Variants in VTCN1 observed in about 807,000 individuals in gnomAD.
VTCN1 encodes the protein V-set domain containing T cell activation inhibitor 1, also known as V-set domain-containing T-cell activation inhibitor 1.
VTCN1 carries 26 observed loss-of-function variants against 26.5 expected under a neutral mutation model. The observed-to-expected ratio is 0.98, with a 90% CI of 0.72 to 1.36. The LOEUF is 1.36. VTCN1 is among the 40% of genes most tolerant of loss of function. The probability of loss-of-function intolerance (pLI) is 0.00; values close to 1 mark genes in which losing one functional copy is unlikely to be tolerated. For missense variants in VTCN1, 298 were observed against 337.7 expected (o/e 0.88, Z 0.92); for synonymous variants, 116 against 130.7 (o/e 0.89, Z 0.77).
intron 1 of VTCN1, among the ~76,000 whole-genome samples, chr1:117,172,975 A>G (rs1278497971): frequency 2.0e-5 from 3 of 152,174 alleles, no homozygotes; most frequent in African/African-American, 7.2e-5. Flanking sequence ...GTCCCCTTCC[A>G]TGCTGTGGAA....
rs1195102914 is a variant in VTCN1, at chr1:117,167,056, G to A, written c.97+3051C>T. 6.8e-6 allele frequency among the ~76,000 whole-genome samples: 1 copy of A among 147,146 alleles called. No individual in the cohort carries two copies. Among genetic ancestry groups the A allele is most frequent in the Admixed American group, 6.8e-5 (1 of 14,670 alleles). ...TGCAGTGAGCCGAGATTATGCCACT[G>A]TACTCCAGCCTGAGCGACAGAGCAA... On this transcript the variant is annotated intron_variant, in intron 2 of 5. Coordinates refer to ENST00000369458, the MANE Select transcript of VTCN1 (RefSeq NM_024626.4). This position sits in a 1 kb window ranked among gnomAD's most constrained non-coding sequence, Gnocchi z 4.1.
At chr1:117,165,888 C>T (rs184991426) in intron 2 of VTCN1, among the ~76,000 whole-genome samples, 3 of 152,248 alleles carry the variant, frequency 2.0e-5, no homozygotes, top group East Asian at 3.9e-4. Flanking sequence ...TGTGATAATA[C>T]GATCTCTGAT....
At position 117,183,024 on chromosome 1, in the gene VTCN1, G is replaced by A. The variant is rs973858087; in HGVS notation, c.33-12853C>T. Among the ~76,000 whole-genome samples, 16 of 152,138 alleles carry A rather than the reference G, an allele frequency of 1.1e-4. No homozygotes were observed. The highest frequency in any genetic ancestry group is 9.2e-4 in the Admixed American group (14 of 15,268). On this transcript the variant is annotated intron_variant, in intron 1 of 5. Transcript: ENST00000369458. The surrounding 1 kb of genome is among the most constrained non-coding windows in gnomAD (Gnocchi z 4.1). ...TCTGATACCATTTTTTAAAGAAAAA[G>A]AATAAGATTAAAATATAAAGTATTG...
rs998177266 is a variant in VTCN1 at position 117,161,120 on chromosome 1, G to A, written c.98-4199C>T. ...TGAAAGAGGACAAAATGAAGTTTTTGCTGTGTAATAAGAACACAACACACC... is the reference window on the plus strand; with the variant it reads ...TGAAAGAGGACAAAATGAAGTTTTTACTGTGTAATAAGAACACAACACACC... On this transcript the variant is annotated intron_variant, in intron 2 of 5. Coordinates refer to ENST00000369458, the MANE Select transcript of VTCN1 (RefSeq NM_024626.4). The surrounding 1 kb of genome is among the most constrained non-coding windows in gnomAD (Gnocchi z 4.3). 6.6e-6 allele frequency among the ~76,000 whole-genome samples: 1 copy of A among 152,172 alleles called. No homozygotes were observed. The highest frequency in any genetic ancestry group is 2.4e-5 in the African/African-American group (1 of 41,448).
chr1:117,151,062 T>C (rs922412785), intron 4 of VTCN1, among the ~76,000 whole-genome samples: 6 of 152,226 alleles, frequency 3.9e-5, no homozygotes, highest in Non-Finnish European at 7.3e-5. Context: ...CTTTGGTGAA[T>C]AGTGCTACTG....
At chr1:117,184,386 C>G (rs1015198335) in intron 1 of VTCN1, among the ~76,000 whole-genome samples, 4 of 152,102 alleles carry the variant, frequency 2.6e-5, no homozygotes, top group Non-Finnish European at 5.9e-5. Context: ...TCTGCCATCC[C>G]TGACCAACAC....
intron 1 of VTCN1, among the ~76,000 whole-genome samples, chr1:117,193,624 G>A (rs1648358521): frequency 6.6e-6 from 1 of 152,076 alleles, no homozygotes; most frequent in African/African-American, 2.4e-5. Flanking sequence ...GAACTGAAGG[G>A]AGAAAAGACA....
At chr1:117,170,213 C>T (rs1314399253) in intron 1 of VTCN1, 42 bp from the exon 2 acceptor site, 2 of 1,578,504 alleles carry the variant, frequency 1.3e-6, no homozygotes, top group Non-Finnish European at 1.7e-6. Flanking sequence ...GTTCTCCATT[C>T]CTCTTGATGT....
chr1:117,207,514 C>T (rs1330485084), intron 1 of VTCN1, among the ~76,000 whole-genome samples: 2 of 152,174 alleles, frequency 1.3e-5, no homozygotes, highest in African/African-American at 2.4e-5. Flanking sequence ...CCTTGCTTCC[C>T]TCCCTCCACA....
chr1:117,170,919 A>T (rs904208711), intron 1 of VTCN1, among the ~76,000 whole-genome samples: 6 of 152,170 alleles, frequency 3.9e-5, no homozygotes, highest in African/African-American at 1.4e-4. Context: ...CACATGTGTC[A>T]TGGTGGTTTG....
intron 1 of VTCN1, among the ~76,000 whole-genome samples, chr1:117,179,169 T>C (rs765262140): frequency 2.0e-5 from 3 of 152,180 alleles, no homozygotes; most frequent in Non-Finnish European, 4.4e-5. Context: ...AGATAATTCT[T>C]TGTTATTGGG....
At chr1:117,198,995 TC>T (rs1485378269) in intron 1 of VTCN1, among the ~76,000 whole-genome samples, 1 of 152,164 alleles carries the variant, frequency 6.6e-6, no homozygotes, top group African/African-American at 2.4e-5. Flanking sequence ...GCCCTTTGGT[TC>T]CTGGGCATCT....
At chr1:117,203,874 G>C in intron 1 of VTCN1, 1 of 776,860 alleles carries the variant, frequency 1.3e-6, no homozygotes, top group Non-Finnish European at 1.6e-6. Flanking sequence ...TGCAGGATGG[G>C]GGGAATGAAA....
At chr1:117,208,082 C>A (rs1443235067) in intron 1 of VTCN1, among the ~76,000 whole-genome samples, 2 of 152,184 alleles carry the variant, frequency 1.3e-5, no homozygotes, top group Non-Finnish European at 2.9e-5. Context: ...TGGCCTGTGC[C>A]TGTAAGGGCT....
chr1:117,196,401 TATAG>T (rs995610819), intron 1 of VTCN1, among the ~76,000 whole-genome samples: 25 of 148,046 alleles, frequency 1.7e-4, no homozygotes, highest in East Asian at 7.9e-4. Context: ...TATATATATA[TATAG>T]AGAGAGAGAG....
At chr1:117,157,030 A>G (rs2101469406) in intron 2 of VTCN1, 109 bp from the exon 3 acceptor site, 2 of 1,599,288 alleles carry the variant, frequency 1.3e-6, no homozygotes, top group East Asian at 2.2e-5. Flanking sequence ...AATTAAAAAT[A>G]CAGAAGAACA....
At position 117,178,509 on chromosome 1, in the gene VTCN1, C is replaced by G. The variant is rs540373617; in HGVS notation, c.33-8338G>C. Reference sequence around the variant, plus strand: ...CTGACCTCAAGTGATCCGCCCACCTCGGCCTCCCAAAGTGCTGGGATTGCA... The same window carrying G: ...CTGACCTCAAGTGATCCGCCCACCTGGGCCTCCCAAAGTGCTGGGATTGCA... On this transcript the variant is annotated intron_variant, in intron 1 of 5. Transcript: ENST00000369458. Among the ~76,000 whole-genome samples the G allele has an allele frequency of 3.3e-5, 5 of 151,368 alleles. No individual in the cohort carries two copies. The South Asian group carries it at 1.0e-3, about 32-fold the overall frequency.
chr1:117,147,873 A>G lies in VTCN1; in HGVS notation c.725-91T>C. On this transcript the variant is annotated intron_variant, in intron 4 of 5. Transcript: ENST00000369458. The surrounding 1 kb of genome is among the most constrained non-coding windows in gnomAD (Gnocchi z 4.6). ...GTTAGCAAAGAAAAGTACCTGAAAA[A>G]CAGAACAAGTTGTTCCTAATTCAGG... 1 of 1,508,940 alleles carries G rather than the reference A, an allele frequency of 6.6e-7. No individual in the cohort carries two copies. The highest frequency in any genetic ancestry group is 8.8e-7 in the Non-Finnish European group (1 of 1,130,628). 93.5% of individuals were successfully genotyped at this position (1,508,940 alleles called of 1,614,324 possible). A position where few individuals can be genotyped will look rare whatever the true frequency, so the allele number is the denominator to read the frequency against.
chr1:117,176,426 C>T (rs1557869839), intron 1 of VTCN1, among the ~76,000 whole-genome samples: 1 of 152,172 alleles, frequency 6.6e-6, no homozygotes, highest in Non-Finnish European at 1.5e-5. Context: ...TTTCTAAAAA[C>T]AAGAGCTTTC....
Sources: allele counts gnomAD v4.1 joint callset (sites outside exome capture counted in the v4.1 genomes callset), GRCh38; gene constraint gnomAD v4.1.1; non-coding constraint Gnocchi (gnomAD v3.1); transcripts MANE v1.5; gene names NCBI Gene and HGNC (gene_info 2026-07-23, HGNC 2026-07-21).